SNX5: variants seen among roughly 807,000 people sequenced by gnomAD.
SNX5 encodes sorting nexin 5.
In SNX5, 31 loss-of-function variants were observed where a neutral mutation model predicts 53.9. The observed-to-expected ratio is 0.58, with a 90% CI of 0.43 to 0.78. The LOEUF (loss-of-function observed/expected upper bound fraction) is 0.78, where lower values mean the gene tolerates loss of function less well. Ranked by LOEUF, SNX5 falls within the 30% of genes least tolerant of loss-of-function variation. The pLI, the probability that SNX5 is intolerant of heterozygous loss-of-function variation, is 0.00. For synonymous variants in SNX5, 168 were observed against 171.1 expected, an observed-to-expected ratio of 0.98 and a Z score of 0.14; for missense variants, 471 against 478.8, an observed-to-expected ratio of 0.98 and a Z score of 0.15.
Position 17,950,189 on chromosome 20 carries a change from A to G in SNX5, c.734T>C (p.Ile245Thr). The change falls in exon 8 of 13, where the codon ATC becomes ACC. Residue 245 changes from isoleucine (I) to threonine (T), a missense_variant. Ile to Thr is a moderately conservative substitution (Grantham distance 89). Coordinates refer to ENST00000377759, the MANE Select transcript of SNX5 (RefSeq NM_014426.4). ...RSHKNVADDY[I>T]HTAACLHSLA... ...GCTATGTAAGCAGGCTGCGGTGTGG[A>G]TATAGTCATCGGCAACATCTGCAGA... 6.2e-7 allele frequency: 1 copy of G among 1,614,174 alleles called. No individual in the cohort carries two copies. Among genetic ancestry groups the G allele is most frequent in the Non-Finnish European group, 8.5e-7 (1 of 1,180,008 alleles).
intron 1 of SNX5, among the ~76,000 whole-genome samples, chr20:17,963,649 T>A (rs956406634): frequency 6.6e-6 from 1 of 152,150 alleles, no homozygotes; most frequent in African/African-American, 2.4e-5. Context: ...CAAGCCCTCT[T>A]CAACAAAGCT....
intron 1 of SNX5, among the ~76,000 whole-genome samples, chr20:17,964,333 G>A (rs1371388742): frequency 6.8e-6 from 1 of 147,784 alleles, no homozygotes; most frequent in African/African-American, 2.5e-5. Flanking sequence ...CAGAAAATTA[G>A]TTTTCTCTCC....
rs1432343685 is a variant in SNX5 at position 17,966,512 on chromosome 20, G to C, written c.51+1863C>G. Among the ~76,000 whole-genome samples the C allele has an allele frequency of 2.0e-5, 3 of 152,140 alleles. No homozygotes were observed. The East Asian group carries it at 5.8e-4, about 29-fold the overall frequency. ...ACCCCAACACCCTCGGCTAAAGAAT[G>C]TAACAAAATGCCAGTGTCTGGCTAC... On this transcript the variant is annotated intron_variant, in intron 1 of 12. Coordinates refer to ENST00000377759, the MANE Select transcript of SNX5 (RefSeq NM_014426.4).
chr20:17,968,661 C>T lies in SNX5; in HGVS notation c.-236G>A, dbSNP rs2035620834. The T allele has an allele frequency of 1.7e-6, 1 of 603,350 alleles. No individual in the cohort carries two copies. The highest frequency in any genetic ancestry group is 3.7e-5 in the East Asian group (1 of 26,668). 37.4% of individuals were successfully genotyped at this position (603,350 alleles called of 1,614,324 possible). ...GCAGCCTCCCAGTCCCCGCTGCCGT[C>T]CATCTTGGAGCCGGGCAAAGACGCC... On this transcript the variant is annotated 5_prime_UTR_variant, in exon 1 of 13. Transcript: ENST00000377759.
intron 3 of SNX5, among the ~76,000 whole-genome samples, chr20:17,954,572 T>C (rs531976773): frequency 1.5e-3 from 232 of 152,354 alleles, no homozygotes; most frequent in Middle Eastern, 6.8e-3. Context: ...TTTTGTTTAA[T>C]GATTAAGCAA....
chr20:17,962,820 T>C (rs1568597623), intron 1 of SNX5: 1 of 519,178 alleles, frequency 1.9e-6, no homozygotes, highest in East Asian at 5.5e-5. Context: ...CAGTTCACAG[T>C]AGAACACTGC....
chr20:17,967,937 C>CA (rs1568601063), intron 1 of SNX5: 163 of 397,610 alleles, frequency 4.1e-4, no homozygotes, highest in African/African-American at 2.4e-3. Context: ...TGGGCCCCCC[C>CA]CCCAAAAAAG....
At chr20:17,949,502 T>C (rs1253410013) in intron 8 of SNX5, among the ~76,000 whole-genome samples, 3 of 152,182 alleles carry the variant, frequency 2.0e-5, no homozygotes, top group African/African-American at 7.2e-5. Context: ...TATCACCTGT[T>C]TTGCCAAGCC....
intron 1 of SNX5, chr20:17,962,579 A>G (rs1483574626): frequency 5.6e-6 from 2 of 358,122 alleles, no homozygotes; most frequent in Admixed American, 7.1e-5. Context: ...GGCCTGCAAT[A>G]TAATTTCTTA....
Position 17,949,146 on chromosome 20 carries a change from C to T in SNX5, c.792-43G>A, listed in dbSNP as rs2039529127. 3 of 1,521,536 alleles carry T rather than the reference C, an allele frequency of 2.0e-6. No individual in the cohort carries two copies. The Admixed American group carries it at 5.1e-5, about 26-fold the overall frequency. 94.3% of individuals were successfully genotyped at this position (1,521,536 alleles called of 1,614,324 possible). A position where few individuals can be genotyped will look rare whatever the true frequency, so the allele number is the denominator to read the frequency against. On this transcript the variant is annotated intron_variant, in intron 8 of 12. Coordinates refer to ENST00000377759, the MANE Select transcript of SNX5 (RefSeq NM_014426.4). ...ATTTTGGTTTAAGGTCTTAAATCATCTATAAAACATGATCTTACCAGTGTG... is the reference window on the plus strand; with the variant it reads ...ATTTTGGTTTAAGGTCTTAAATCATTTATAAAACATGATCTTACCAGTGTG...
chr20:17,961,069 T>G, intron 1 of SNX5: 1 of 916,386 alleles, frequency 1.1e-6, no homozygotes. Context: ...TCGCAGTGCT[T>G]TTGGTAAGAG....
At chr20:17,968,088 T>G (rs2035588066) in intron 1 of SNX5, 4 of 398,550 alleles carry the variant, frequency 1.0e-5, no homozygotes, top group Non-Finnish European at 1.8e-5. Context: ...CATTCCGGGG[T>G]CTCCAGAGAT....
intron 12 of SNX5, chr20:17,942,620 C>G: frequency 1.7e-6 from 1 of 587,840 alleles, no homozygotes; most frequent in Non-Finnish European, 3.0e-6. Flanking sequence ...GTAAGGCTAC[C>G]AGCCAAAGAG....
intron 4 of SNX5, among the ~76,000 whole-genome samples, chr20:17,953,577 G>A (rs1186999667): frequency 6.6e-6 from 1 of 152,040 alleles, no homozygotes; most frequent in Admixed American, 6.5e-5. Flanking sequence ...TCAGGAGTTC[G>A]AGACCAGCCG....
At chr20:17,943,260 T>C in intron 11 of SNX5, 65 bp from the exon 12 acceptor site, 1 of 1,025,830 alleles carries the variant, frequency 9.7e-7, no homozygotes, top group Non-Finnish European at 1.5e-6. Flanking sequence ...TCACTTTAAC[T>C]ACCAAATGGC....
chr20:17,953,556 A>C (rs1172892428), intron 4 of SNX5, among the ~76,000 whole-genome samples: 1 of 152,206 alleles, frequency 6.6e-6, no homozygotes, highest in African/African-American at 2.4e-5. Context: ...AAGCAAGCTG[A>C]TCACTTGAAC....
Position 17,941,703 on chromosome 20 carries a change from A to C in SNX5, c.*654T>G, listed in dbSNP as rs920578915. ...CCAGCGGCCATTAGGGAGGGGGCTT[A>C]TACTTTTCCTAATGTAGATCTGGCC... On this transcript the variant is annotated 3_prime_UTR_variant, in exon 13 of 13. Transcript: ENST00000377759. The C allele has an allele frequency of 6.6e-6, 1 of 152,338 alleles. No individual in the cohort carries two copies. Among genetic ancestry groups the C allele is most frequent in the Non-Finnish European group, 1.5e-5 (1 of 68,154 alleles). The allele number at this position is 152,338 out of a possible 1,614,324, so 9.4% of individuals were successfully genotyped here. A position where few individuals can be genotyped will look rare whatever the true frequency, so the allele number is the denominator to read the frequency against.
rs1364199877 is a variant in SNX5, at chr20:17,968,525, G to A, written c.-100C>T. On this transcript the variant is annotated 5_prime_UTR_variant, in exon 1 of 13. Transcript: ENST00000377759. ...TGGGCGCCTCTCGGGGGCGGCCACGGCCCCGCCTCCGCCGGCCTCCCTGCC... is the reference window on the plus strand; with the variant it reads ...TGGGCGCCTCTCGGGGGCGGCCACGACCCCGCCTCCGCCGGCCTCCCTGCC... 4 of 1,113,824 alleles carry A rather than the reference G, an allele frequency of 3.6e-6. No homozygotes were observed. The highest frequency in any genetic ancestry group is 4.7e-6 in the Non-Finnish European group (4 of 842,604). The allele number at this position is 1,113,824 out of a possible 1,614,324, so 69.0% of individuals were successfully genotyped here. A position where few individuals can be genotyped will look rare whatever the true frequency, so the allele number is the denominator to read the frequency against.
intron 6 of SNX5, among the ~76,000 whole-genome samples, chr20:17,950,676 T>A (rs1386193310): frequency 6.6e-6 from 1 of 152,188 alleles, no homozygotes; most frequent in African/African-American, 2.4e-5. Flanking sequence ...AGTACAATGG[T>A]TCTACCAGGT....
Sources: allele counts gnomAD v4.1 joint callset (sites outside exome capture counted in the v4.1 genomes callset), GRCh38; gene constraint gnomAD v4.1.1; transcripts MANE v1.5; gene names NCBI Gene and HGNC (gene_info 2026-07-23, HGNC 2026-07-21).